BBS9: variants seen among roughly 807,000 people sequenced by gnomAD.
BBS9 encodes Bardet-Biedl syndrome 9.
In BBS9, 89 loss-of-function variants were observed where a neutral mutation model predicts 117.7. The observed-to-expected ratio is 0.76, with a 90% CI of 0.64 to 0.90. BBS9 has a LOEUF of 0.90. Ranked by LOEUF, BBS9 falls within the 40% of genes least tolerant of loss-of-function variation. BBS9 has a pLI of 0.00. For synonymous variants in BBS9, 379 were observed against 370.9 expected (o/e 1.02, Z -0.25); for missense variants, 982 against 1,042.2 (o/e 0.94, Z 0.80).
chr7:33,390,000 T>C (rs1190244371), intron 19 of BBS9, among the ~76,000 whole-genome samples: 17 of 152,224 alleles, frequency 1.1e-4, no homozygotes, highest in Non-Finnish European at 1.5e-5. Flanking sequence ...GGGGTAATTA[T>C]ATGATTCTTC....
At chr7:33,207,200 A>G (rs939699972) in intron 5 of BBS9, among the ~76,000 whole-genome samples, 1 of 152,206 alleles carries the variant, frequency 6.6e-6, no homozygotes, top group African/African-American at 2.4e-5. Flanking sequence ...AAGGAAATGT[A>G]AATATTTTGC....
intron 17 of BBS9, 111 bp from the exon 18 acceptor site, chr7:33,383,555 T>A: frequency 1.0e-6 from 1 of 980,130 alleles, no homozygotes; most frequent in Non-Finnish European, 1.5e-6. Context: ...CATATCTTTG[T>A]TACAAAAATG....
intron 9 of BBS9, among the ~76,000 whole-genome samples, chr7:33,275,721 A>G (rs1800649544): frequency 6.6e-6 from 1 of 152,208 alleles, no homozygotes; most frequent in Admixed American, 6.5e-5. Context: ...TGAAATATAT[A>G]TATTTTTACA....
intron 19 of BBS9, among the ~76,000 whole-genome samples, chr7:33,450,864 G>GTT (rs144231724): frequency 1.3e-4 from 18 of 140,266 alleles, no homozygotes; most frequent in East Asian, 6.2e-4. Context: ...CTGTTCAGAA[G>GTT]TTTTTTTTTT....
chr7:33,482,043 T>G (rs1484647274), intron 19 of BBS9, among the ~76,000 whole-genome samples: 1 of 152,184 alleles, frequency 6.6e-6, no homozygotes, highest in Non-Finnish European at 1.5e-5. Context: ...ACGGTGTCTC[T>G]GATCGGGTAA....
At chr7:33,626,898 T>C (rs1006416250) in intron 21 of BBS9, among the ~76,000 whole-genome samples, 1 of 152,198 alleles carries the variant, frequency 6.6e-6, no homozygotes, top group Admixed American at 6.5e-5. Flanking sequence ...TGTGAAAGTT[T>C]GGAAAATTTG....
At chr7:33,457,489 C>T (rs1838813863) in intron 19 of BBS9, among the ~76,000 whole-genome samples, 1 of 152,104 alleles carries the variant, frequency 6.6e-6, no homozygotes, top group Admixed American at 6.5e-5. Flanking sequence ...TTTTAATAAG[C>T]ACTGTCACTA....
chr7:33,368,576 GTACA>G (rs1822231069), intron 17 of BBS9, among the ~76,000 whole-genome samples: 1 of 100,602 alleles, frequency 9.9e-6, no homozygotes, highest in Non-Finnish European at 1.9e-5. Context: ...AGAGAAAAAA[GTACA>G]CACACACACA....
intron 19 of BBS9, among the ~76,000 whole-genome samples, chr7:33,461,936 A>G (rs1476044361): frequency 1.3e-5 from 2 of 151,996 alleles, no homozygotes; most frequent in Non-Finnish European, 2.9e-5. Context: ...TAATTTTAGC[A>G]ACCAGCAGTC....
chr7:33,188,556 G>A (rs1783542749), intron 5 of BBS9, among the ~76,000 whole-genome samples: 1 of 152,136 alleles, frequency 6.6e-6, no homozygotes, highest in Non-Finnish European at 1.5e-5. Flanking sequence ...GATAAGAAGA[G>A]GAACTAGCAC....
intron 9 of BBS9, among the ~76,000 whole-genome samples, chr7:33,327,642 C>G (rs890142173): frequency 2.2e-4 from 33 of 152,144 alleles, no homozygotes; most frequent in African/African-American, 7.5e-4. Context: ...TACAGTGAGC[C>G]ATTATCATAC....
chr7:33,382,511 T>C (rs1020474594), intron 17 of BBS9, among the ~76,000 whole-genome samples: 5 of 150,758 alleles, frequency 3.3e-5, no homozygotes, highest in African/African-American at 1.2e-4. Flanking sequence ...GCAAATGTAA[T>C]AATCTTGGAA....
chr7:33,598,608 C>A (rs1863294113), intron 21 of BBS9, among the ~76,000 whole-genome samples: 1 of 152,158 alleles, frequency 6.6e-6, no homozygotes, highest in Non-Finnish European at 1.5e-5. Flanking sequence ...TATAGGAATT[C>A]TCTGTACTAG....
chr7:33,158,118 A>G (rs900774840), intron 4 of BBS9, among the ~76,000 whole-genome samples: 15 of 152,222 alleles, frequency 9.9e-5, no homozygotes, highest in Non-Finnish European at 2.9e-5. Flanking sequence ...GAGGGCAAAA[A>G]AGATGTGGTT....
intron 10 of BBS9, 145 bp from the exon 11 acceptor site, chr7:33,340,752 A>C (rs768311037): frequency 5.9e-5 from 37 of 626,366 alleles, no homozygotes; most frequent in Non-Finnish European, 9.3e-5. Context: ...TCAAGCTTCT[A>C]ATACTGTAAT....
intron 9 of BBS9, among the ~76,000 whole-genome samples, chr7:33,303,999 G>A (rs368451913): frequency 3.3e-5 from 5 of 151,242 alleles, no homozygotes; most frequent in Admixed American, 6.6e-5. Flanking sequence ...CCCTCTGCCC[G>A]GCCGCCCCGT....
At chr7:33,492,224 A>AG (rs1245562153) in intron 19 of BBS9, among the ~76,000 whole-genome samples, 2 of 148,966 alleles carry the variant, frequency 1.3e-5, no homozygotes, top group Non-Finnish European at 3.0e-5. Flanking sequence ...CAAAAAAAAA[A>AG]CAAAAAAAAA....
intron 11 of BBS9, among the ~76,000 whole-genome samples, chr7:33,343,622 C>T (rs575779583): frequency 1.1e-4 from 16 of 152,202 alleles, no homozygotes; most frequent in East Asian, 5.8e-4. Flanking sequence ...TCTCAGCCTC[C>T]GGAGTAGCTG....
intron 16 of BBS9, among the ~76,000 whole-genome samples, chr7:33,358,662 G>GA (rs1356519904): frequency 6.6e-6 from 1 of 151,826 alleles, no homozygotes; most frequent in Non-Finnish European, 1.5e-5. Context: ...AGTAACCAAG[G>GA]TTTTTAGTGT....
Sources: allele counts gnomAD v4.1 joint callset (sites outside exome capture counted in the v4.1 genomes callset), GRCh38; gene constraint gnomAD v4.1.1; transcripts MANE v1.5; gene names NCBI Gene and HGNC (gene_info 2026-07-23, HGNC 2026-07-21).